The following ESR1 variants were observed in gnomAD, a reference collection of about 807,000 sequenced individuals.
The protein encoded by ESR1 is estrogen receptor.
In ESR1, 12 loss-of-function variants were observed where a neutral mutation model predicts 52.7. The observed-to-expected ratio is 0.23, with a 90% CI of 0.15 to 0.37. The LOEUF is 0.37. Ranked by LOEUF, ESR1 falls within the 10% of genes least tolerant of loss-of-function variation. The pLI, the probability that ESR1 is intolerant of heterozygous loss-of-function variation, is 1.00. For synonymous variants in ESR1, 305 were observed against 316.8 expected (o/e 0.96, Z 0.39); for missense variants, 584 against 779.7 (o/e 0.75, Z 2.99).
At chr6:151,859,816 T>C (rs527838899) in intron 2 of ESR1, among the ~76,000 whole-genome samples, 21 of 152,292 alleles carry the variant, frequency 1.4e-4, no homozygotes, top group Admixed American at 2.6e-4. Context: ...TGTGAAATCA[T>C]TGTGAGCCAA....
rs148034868 is a variant in ESR1, at chr6:151,842,686, A to C, written c.542A>C (p.Glu181Ala). ...KGSMAMESAK[E>A]TRYCAVCNDY... ...AGTATGGCTATGGAATCTGCCAAGG[A>C]GACTCGCTACTGTGCAGTGTGCAAT... is the stretch of plus-strand genomic sequence containing the variant. The change falls in exon 2 of 8, where the codon GAG becomes GCG. Residue 181 changes from glutamate to alanine, a missense_variant. By Grantham distance (107) the Glu-to-Ala change is moderately radical. Coordinates refer to ENST00000206249, the MANE Select transcript of ESR1 (RefSeq NM_000125.4). The C allele has an allele frequency of 6.8e-6, 11 of 1,613,962 alleles. No homozygotes were observed. The African/African-American group carries it at 1.5e-4, about 22-fold the overall frequency.
chr6:151,754,822 C>T (rs1784157727), intron 2 of ESR1, among the ~76,000 whole-genome samples: 1 of 152,230 alleles, frequency 6.6e-6, no homozygotes, highest in African/African-American at 2.4e-5. Context: ...CCACCTATCA[C>T]TCCCTTTCTC....
chr6:151,857,043 A>C (rs984038725), intron 2 of ESR1, among the ~76,000 whole-genome samples: 2 of 152,158 alleles, frequency 1.3e-5, no homozygotes, highest in African/African-American at 4.8e-5. Context: ...TTTCTTGTAA[A>C]CACTTTGTGT....
intron 6 of ESR1, among the ~76,000 whole-genome samples, chr6:152,066,727 A>G (rs1459723382): frequency 6.6e-6 from 1 of 152,212 alleles, no homozygotes; most frequent in Non-Finnish European, 1.5e-5. Context: ...AGCAAGCCTC[A>G]TGGCTCCTGT....
chr6:151,662,377 T>G (rs2115204826), intron 1 of ESR1, among the ~76,000 whole-genome samples: 1 of 152,276 alleles, frequency 6.6e-6, no homozygotes, highest in Admixed American at 6.5e-5. Flanking sequence ...GATCATTTCC[T>G]TTCCTCTTTA....
At chr6:152,028,974 G>C (rs529758563) in intron 5 of ESR1, among the ~76,000 whole-genome samples, 3 of 152,336 alleles carry the variant, frequency 2.0e-5, no homozygotes, top group East Asian at 3.9e-4. Context: ...AGCAACATTT[G>C]CTGTTCACCA....
exon 7 of ESR1, chr6:152,125,463 C>T: frequency 7.5e-7 from 1 of 1,339,256 alleles, no homozygotes; most frequent in Non-Finnish European, 9.9e-7. Context: ...ATTAGTCTCT[C>T]TGGCCTTCAG....
Position 152,099,871 on chromosome 6 carries a change from T to C in ESR1, c.*905T>C, listed in dbSNP as rs577785937. The C allele has an allele frequency of 2.5e-6, 1 of 397,004 alleles. No homozygotes were observed. The highest frequency in any genetic ancestry group is 1.4e-4 in the South Asian group (1 of 7,060). The allele number at this position is 397,004 out of a possible 1,614,324, so 24.6% of individuals were successfully genotyped here. A position where few individuals can be genotyped will look rare whatever the true frequency, so the allele number is the denominator to read the frequency against. On this transcript the variant is annotated 3_prime_UTR_variant, in exon 8 of 8. Coordinates refer to ENST00000206249, the MANE Select transcript of ESR1 (RefSeq NM_000125.4). ...GCACTGTACTTGGATCTTCCCGGCG[T>C]GTGTGTGCCTTACACAGGGGTGAAC... is the stretch of plus-strand genomic sequence containing the variant.
intron 4 of ESR1, among the ~76,000 whole-genome samples, chr6:151,952,151 C>T (rs1331769567): frequency 6.6e-6 from 1 of 152,196 alleles, no homozygotes; most frequent in Non-Finnish European, 1.5e-5. Flanking sequence ...AGAGACAGCA[C>T]TTCAATTAAC....
chr6:151,979,935 C>G (rs2039833812), intron 4 of ESR1, among the ~76,000 whole-genome samples: 1 of 152,154 alleles, frequency 6.6e-6, no homozygotes, highest in African/African-American at 2.4e-5. Flanking sequence ...ATACAGTGGT[C>G]ATTAAGAACC....
At chr6:151,729,941 G>GA (rs1002900628) in intron 2 of ESR1, among the ~76,000 whole-genome samples, 14 of 152,104 alleles carry the variant, frequency 9.2e-5, no homozygotes, top group African/African-American at 3.4e-4. Flanking sequence ...AAAGAAAAAA[G>GA]AAAAAAAGAG....
chr6:151,676,365 A>G (rs2115274718), intron 1 of ESR1, among the ~76,000 whole-genome samples: 1 of 152,324 alleles, frequency 6.6e-6, no homozygotes, highest in East Asian at 1.9e-4. Flanking sequence ...TTTATGAACA[A>G]ATACTGAAAT....
intron 1 of ESR1, among the ~76,000 whole-genome samples, chr6:151,670,205 C>T (rs971814729): frequency 2.6e-5 from 4 of 152,196 alleles, no homozygotes; most frequent in African/African-American, 9.7e-5. Flanking sequence ...TATCTTCCTG[C>T]AGAGCCCTTC....
intron 5 of ESR1, among the ~76,000 whole-genome samples, chr6:152,047,956 A>ATTT (rs71017517): frequency 1.5e-4 from 10 of 67,782 alleles, no homozygotes; most frequent in East Asian, 4.8e-4. Flanking sequence ...CTCCTCAAGC[A>ATTT]TTTTTTTTTT....
In ESR1 at chr6:151,671,910, C is replaced by T. The variant is rs575994787; in HGVS notation, n.73+15147C>T. On this transcript the variant is annotated intron_variant and non_coding_transcript_variant, in intron 1 of 2. Transcript: ENST00000473497. Reference sequence around the variant, plus strand: ...GGGAGGCTGAGACAGGGGAATTGCTCGAACCCAGGAGATGGAGGTTGCAGT... The same window carrying T: ...GGGAGGCTGAGACAGGGGAATTGCTTGAACCCAGGAGATGGAGGTTGCAGT... 3.5e-4 allele frequency among the ~76,000 whole-genome samples: 53 copies of T among 152,158 alleles called. 2 individuals carry two copies. In the South Asian group the frequency reaches 0.011, roughly 30 times the overall value.
rs141954723 is a variant in ESR1, at chr6:151,818,533, C to T, written c.452+10169C>T. ...AATAGCTAGCAAAGTTATCAAGTAA[C>T]TTGTAGAAACATTCTTTTGCAAGAG... On this transcript the variant is annotated intron_variant, in intron 1 of 7. Transcript: ENST00000206249. 1.4e-3 allele frequency among the ~76,000 whole-genome samples: 209 copies of T among 152,264 alleles called. 1 individual carries two copies. Among genetic ancestry groups the T allele is most frequent in the African/African-American group, 4.8e-3 (200 of 41,558 alleles).
intron 3 of ESR1, among the ~76,000 whole-genome samples, chr6:151,931,721 C>A (rs1373363498): frequency 4.1e-5 from 6 of 146,176 alleles, no homozygotes; most frequent in Admixed American, 2.1e-4. Context: ...TTTGTTCTTG[C>A]GATAGTTTAC....
intron 2 of ESR1, among the ~76,000 whole-genome samples, chr6:151,857,345 A>G (rs942611425): frequency 5.3e-5 from 8 of 152,024 alleles, no homozygotes; most frequent in African/African-American, 1.7e-4. Flanking sequence ...TTATATGCAA[A>G]TATTATGTCA....
intron 4 of ESR1, among the ~76,000 whole-genome samples, chr6:151,980,029 A>G (rs80029028): frequency 0.017 from 2,539 of 152,306 alleles, 73 homozygotes; most frequent in African/African-American, 0.058. Flanking sequence ...ATGACAAGAC[A>G]TTTCGTTAAA....
Sources: allele counts gnomAD v4.1 joint callset (sites outside exome capture counted in the v4.1 genomes callset), GRCh38; gene constraint gnomAD v4.1.1; transcripts MANE v1.5; gene names NCBI Gene and HGNC (gene_info 2026-07-23, HGNC 2026-07-21).